Variants in TRPM7 observed in about 807,000 individuals in gnomAD.
TRPM7 encodes transient receptor potential cation channel subfamily M member 7.
In TRPM7, 134 loss-of-function variants were observed where a neutral mutation model predicts 229.7. The observed-to-expected ratio is 0.58, with a 90% CI of 0.51 to 0.67. The LOEUF (loss-of-function observed/expected upper bound fraction) is 0.67, where lower values mean the gene tolerates loss of function less well. Ranked by LOEUF, TRPM7 falls within the 30% of genes least tolerant of loss-of-function variation. The pLI is 0.00. For synonymous variants in TRPM7, 699 were observed against 715.2 expected (o/e 0.98, Z 0.36); for missense variants, 1,901 against 2,210.0 (o/e 0.86, Z 2.80).
rs1433522409 is a variant in TRPM7 at position 50,588,240 on chromosome 15, T to C, written c.4389+1352A>G. Reference sequence around the variant, plus strand: ...CTCCATAATCACATTTCTTACATCATTCTGCTGCTCCTATTTGAGGTAAGA... The same window carrying C: ...CTCCATAATCACATTTCTTACATCACTCTGCTGCTCCTATTTGAGGTAAGA... On this transcript the variant is annotated intron_variant, in intron 27 of 38. Coordinates refer to ENST00000646667, the MANE Select transcript of TRPM7 (RefSeq NM_017672.6). 4 of 984,834 alleles carry C rather than the reference T, an allele frequency of 4.1e-6. No homozygotes were observed. The South Asian group carries it at 1.4e-4, about 35-fold the overall frequency. The allele number at this position is 984,834 out of a possible 1,614,324, so 61.0% of individuals were successfully genotyped here. A position where few individuals can be genotyped will look rare whatever the true frequency, so the allele number is the denominator to read the frequency against.
chr15:50,616,924 G>T (rs1281457190), intron 13 of TRPM7, among the ~76,000 whole-genome samples: 1 of 151,714 alleles, frequency 6.6e-6, no homozygotes, highest in African/African-American at 2.4e-5. Flanking sequence ...CAAGCCACTG[G>T]GTCTGGCCAA....
rs1241697799 is a variant in TRPM7, at chr15:50,641,979, G to A, written c.535+1361C>T. 4.2e-4 allele frequency among the ~76,000 whole-genome samples: 61 copies of A among 144,348 alleles called. 1 individual carries two copies. The highest frequency in any genetic ancestry group is 4.2e-3 in the Admixed American group (58 of 13,946). The allele number at this position is 144,348 out of a possible 152,430, so 94.7% of individuals were successfully genotyped here. Reference sequence around the variant, plus strand: ...GGCACCACTGCACTCCAGCCTGGGTGACAGCAAGACTCTGTCTCAAAAAAA... The same window carrying A: ...GGCACCACTGCACTCCAGCCTGGGTAACAGCAAGACTCTGTCTCAAAAAAA... On this transcript the variant is annotated intron_variant, in intron 5 of 38. Transcript: ENST00000646667.
chr15:50,628,467 C>A (rs746817571), intron 10 of TRPM7, among the ~76,000 whole-genome samples: 1 of 152,102 alleles, frequency 6.6e-6, no homozygotes, highest in African/African-American at 2.4e-5. Flanking sequence ...CCACCACACC[C>A]AGCTAATTTT....
Position 50,643,236 on chromosome 15 carries a change from C to A in TRPM7, c.535+104G>T. ...CCCGGGAGGCAGAGGTTGCAGTGAGCCGAGATTGTGCCATTGCACTCCAGC... is the reference window on the plus strand; with the variant it reads ...CCCGGGAGGCAGAGGTTGCAGTGAGACGAGATTGTGCCATTGCACTCCAGC... On this transcript the variant is annotated intron_variant, in intron 5 of 38. Coordinates refer to ENST00000646667, the MANE Select transcript of TRPM7 (RefSeq NM_017672.6). 3.3e-6 allele frequency: 3 copies of A among 915,510 alleles called. No individual in the cohort carries two copies. In the South Asian group the frequency reaches 4.8e-5, roughly 15 times the overall value. 56.7% of individuals were successfully genotyped at this position (915,510 alleles called of 1,614,324 possible). A position where few individuals can be genotyped will look rare whatever the true frequency, so the allele number is the denominator to read the frequency against.
At chr15:50,679,008 G>C (rs2062167519) in intron 1 of TRPM7, among the ~76,000 whole-genome samples, 1 of 152,088 alleles carries the variant, frequency 6.6e-6, no homozygotes, top group South Asian at 2.1e-4. Flanking sequence ...CGAGTAGCTG[G>C]GACTACAGGT....
chr15:50,614,646 C>A (rs1471216626), intron 13 of TRPM7, among the ~76,000 whole-genome samples: 6 of 119,490 alleles, frequency 5.0e-5, no homozygotes, highest in Non-Finnish European at 7.9e-5. Flanking sequence ...GCCTGGGAGA[C>A]AGAGCAAGAC....
At chr15:50,666,744 G>A (rs1391083434) in intron 1 of TRPM7, among the ~76,000 whole-genome samples, 1 of 152,116 alleles carries the variant, frequency 6.6e-6, no homozygotes, top group Admixed American at 6.6e-5. Flanking sequence ...AGAAGTTATG[G>A]TGAGCCGAGA....
Position 50,641,852 on chromosome 15 carries a change from T to C in TRPM7, c.535+1488A>G, listed in dbSNP as rs548095988. Among the ~76,000 whole-genome samples, 120 of 152,078 alleles carry C rather than the reference T, an allele frequency of 7.9e-4. 1 individual carries two copies. Among genetic ancestry groups the C allele is most frequent in the African/African-American group, 2.8e-3 (117 of 41,502 alleles). ...CCATCTCTAGTAAAAATACAAAACT[T>C]AGCCACGTGTGGTGACGGGCACCTG... On this transcript the variant is annotated intron_variant, in intron 5 of 38. Transcript: ENST00000646667.
At chr15:50,683,236 A>G (rs2062281040) in intron 1 of TRPM7, among the ~76,000 whole-genome samples, 1 of 151,168 alleles carries the variant, frequency 6.6e-6, no homozygotes, top group African/African-American at 2.4e-5. Context: ...AGTCACTTAA[A>G]AAAAAAAAAC....
intron 1 of TRPM7, among the ~76,000 whole-genome samples, chr15:50,677,612 G>A (rs1035633262): frequency 6.6e-6 from 1 of 151,578 alleles, no homozygotes; most frequent in Non-Finnish European, 1.5e-5. Flanking sequence ...GGTGTCACGC[G>A]CCTGTAATCC....
chr15:50,586,404 G>T lies in TRPM7; in HGVS notation c.4474C>A (p.His1492Asn). Residue 1492 changes from histidine to asparagine, a missense_variant, in exon 28 of 39, where the codon CAT (histidine) becomes AAT (asparagine). Transcript: ENST00000646667. ...TCAAAATACTCACCTTGTTTTGAATGAACAGGAATGGAAGTTCTGTGACAG... is the reference window on the plus strand; with the variant it reads ...TCAAAATACTCACCTTGTTTTGAATTAACAGGAATGGAAGTTCTGTGACAG... ...TDCHRTSIPV[H>N]SKQAEKISRR... 1 of 1,607,238 alleles carries T rather than the reference G, an allele frequency of 6.2e-7. No homozygotes were observed. The highest frequency in any genetic ancestry group is 1.1e-5 in the South Asian group (1 of 90,856).
chr15:50,679,870 C>A (rs993121090), intron 1 of TRPM7, among the ~76,000 whole-genome samples: 1 of 151,960 alleles, frequency 6.6e-6, no homozygotes, highest in Admixed American at 6.6e-5. Flanking sequence ...TTACACCCAT[C>A]CAGAAATCTA....
At chr15:50,561,895 C>A (rs1427655380) in intron 38 of TRPM7, 87 bp from the exon 39 acceptor site, 73 of 1,312,962 alleles carry the variant, frequency 5.6e-5, no homozygotes, top group Non-Finnish European at 6.9e-5. Context: ...GAATTAGGAA[C>A]CTTTTATTTT....
chr15:50,640,138 T>G (rs2061047683), intron 5 of TRPM7, among the ~76,000 whole-genome samples: 1 of 152,092 alleles, frequency 6.6e-6, no homozygotes, highest in African/African-American at 2.4e-5. Flanking sequence ...TAGAAAAAAT[T>G]AATCGGTGGC....
chr15:50,656,267 CA>C (rs1023538466), intron 3 of TRPM7, among the ~76,000 whole-genome samples: 17 of 151,884 alleles, frequency 1.1e-4, no homozygotes, highest in African/African-American at 3.4e-4. Context: ...TGGTTAAGTA[CA>C]GGGGCAAATA....
At position 50,616,188 on chromosome 15, in the gene TRPM7, G is replaced by A. The variant is rs944945612; in HGVS notation, c.1495-1925C>T. On this transcript the variant is annotated intron_variant, in intron 13 of 38. Coordinates refer to ENST00000646667, the MANE Select transcript of TRPM7 (RefSeq NM_017672.6). The stretch of plus-strand genomic sequence containing the variant: ...TGAATTATCTAACAAATGTCATGAC[G>A]ATCAAGTTCTCAAACTACACTAAGT... Among the ~76,000 whole-genome samples, 12 of 151,956 alleles carry A rather than the reference G, an allele frequency of 7.9e-5. No individual in the cohort carries two copies. The South Asian group carries it at 2.3e-3, about 29-fold the overall frequency.
At chr15:50,634,821 T>C (rs192639197) in intron 7 of TRPM7, among the ~76,000 whole-genome samples, 3 of 152,270 alleles carry the variant, frequency 2.0e-5, no homozygotes, top group Non-Finnish European at 2.9e-5. Context: ...AAATCCAATA[T>C]ATAATAGACA....
At chr15:50,670,293 C>A (rs907367341) in intron 1 of TRPM7, among the ~76,000 whole-genome samples, 2 of 152,018 alleles carry the variant, frequency 1.3e-5, no homozygotes, top group African/African-American at 2.4e-5. Flanking sequence ...TGAATAGGGG[C>A]TGAGTAAAAT....
chr15:50,622,567 C>A (rs575323813), intron 12 of TRPM7, among the ~76,000 whole-genome samples: 1 of 152,166 alleles, frequency 6.6e-6, no homozygotes, highest in Non-Finnish European at 1.5e-5. Context: ...CAAAGTTCAA[C>A]GCAAATGTGC....
Sources: gnomAD v4.1 joint callset for allele counts (sites outside exome capture counted in the v4.1 genomes callset) on GRCh38, gnomAD v4.1.1 for gene constraint, MANE v1.5 for transcripts, NCBI Gene and HGNC (gene_info 2026-07-23, HGNC 2026-07-21) for gene names.